The following SOX11 variants were observed in gnomAD, a reference collection of about 807,000 sequenced individuals.
SOX11 encodes the protein transcription factor SOX-11.
Under a neutral mutation model 16.7 loss-of-function variants are expected in SOX11, and 5 were observed. The ratio of observed to expected loss-of-function variants is 0.30; its 90% CI spans 0.16 to 0.63. SOX11 has a LOEUF of 0.63. Among genes scored for constraint, SOX11 ranks in the 20% least tolerant of loss-of-function variants. The pLI, the probability that SOX11 is intolerant of heterozygous loss-of-function variation, is 0.82. For missense variants in SOX11, 492 were observed against 641.5 expected (o/e 0.77, Z 2.52); for synonymous variants, 363 against 298.8 (o/e 1.21, Z -2.22).
In SOX11 at chr2:5,699,833, G is replaced by A. The variant is rs1030805681; in HGVS notation, c.*5786G>A. The A allele has an allele frequency of 3.0e-5, 5 of 166,018 alleles. No homozygotes were observed. Among genetic ancestry groups the A allele is most frequent in the African/African-American group, 1.2e-4 (5 of 41,054 alleles). The allele number at this position is 166,018 out of a possible 1,614,324, so 10.3% of individuals were successfully genotyped here. On this transcript the variant is annotated 3_prime_UTR_variant, in exon 1 of 1. Transcript: ENST00000322002. ...TATCTGTTCCATGTGGATGCAGTGA[G>A]TTTATAAGAGAATTTCACAAACAAG...
rs765203965 is a variant in SOX11 at position 5,693,660 on chromosome 2, C to T, written c.939C>T (p.Tyr313=). The change falls in exon 1 of 1, where the codon TAC becomes TAT. Residue 313 remains tyrosine, a synonymous_variant. Coordinates refer to ENST00000322002, the MANE Select transcript of SOX11 (RefSeq NM_003108.4). The surrounding 1 kb of genome is among the most constrained non-coding windows in gnomAD (Gnocchi z 8.6). ...SGAGGGSRLY[Y]SFKNITKQHP... is the part of the protein sequence containing the mutation. The stretch of plus-strand genomic sequence containing the variant: ...CCGGGGGCGGCAGCCGCCTCTACTA[C>T]AGCTTCAAGAACATCACCAAGCAGC... The T allele has an allele frequency of 6.3e-6, 10 of 1,597,004 alleles. No homozygotes were observed. In the East Asian group the frequency reaches 2.2e-4, roughly 36 times the overall value.
Position 5,698,002 on chromosome 2 carries a change from G to A in SOX11, c.*3955G>A, listed in dbSNP as rs1264141415. 1 of 166,662 alleles carries A rather than the reference G, an allele frequency of 6.0e-6. No homozygotes were observed. The highest frequency in any genetic ancestry group is 1.5e-5 in the Non-Finnish European group (1 of 68,076). 10.3% of individuals were successfully genotyped at this position (166,662 alleles called of 1,614,324 possible). On this transcript the variant is annotated 3_prime_UTR_variant, in exon 1 of 1. Transcript: ENST00000322002. ...AGTAAATTAGTAAAGTAATAATTTG[G>A]CTTCAGAATGGGAAGAGATAGTCAA...
In SOX11 at chr2:5,699,535, A is replaced by G. The variant is rs978430288; in HGVS notation, c.*5488A>G. On this transcript the variant is annotated 3_prime_UTR_variant, in exon 1 of 1. Transcript: ENST00000322002. Reference sequence around the variant, plus strand: ...CTGTTCATTCTATTTGATTTATTCTACAACATCCCCTTTTATTTAATGATC... The same window carrying G: ...CTGTTCATTCTATTTGATTTATTCTGCAACATCCCCTTTTATTTAATGATC... 6.6e-5 allele frequency: 11 copies of G among 166,900 alleles called. No individual in the cohort carries two copies. Among genetic ancestry groups the G allele is most frequent in the Admixed American group, 2.0e-4 (3 of 15,284 alleles). 10.3% of individuals were successfully genotyped at this position (166,900 alleles called of 1,614,324 possible).
In SOX11 at chr2:5,693,409, G is replaced by A. The variant is rs1179136145; in HGVS notation, c.688G>A (p.Asp230Asn). The A allele has an allele frequency of 3.8e-6, 6 of 1,590,992 alleles. No individual in the cohort carries two copies. Among genetic ancestry groups the A allele is most frequent in the Admixed American group, 1.7e-5 (1 of 59,112 alleles). Reference sequence around the variant, plus strand: ...TCTGGATGAGGACGACGACGACGACGACGACGACGACGAGCTGCAGCTGCA... The same window carrying A: ...TCTGGATGAGGACGACGACGACGACAACGACGACGACGAGCTGCAGCTGCA... ...VFLDEDDDDDDDDDELQLQIK... is the reference protein window; with the variant it reads ...VFLDEDDDDDNDDDELQLQIK... The change falls in exon 1 of 1, where the codon GAC becomes AAC. Residue 230 changes from aspartate (D) to asparagine (N), a missense_variant. Coordinates refer to ENST00000322002, the MANE Select transcript of SOX11 (RefSeq NM_003108.4). This position sits in a 1 kb window ranked among gnomAD's most constrained non-coding sequence, Gnocchi z 8.6.
In SOX11 at chr2:5,696,749, G is replaced by C. The variant is rs1192070722; in HGVS notation, c.*2702G>C. 1 of 152,060 alleles carries C rather than the reference G, an allele frequency of 6.6e-6. No individual in the cohort carries two copies. Among genetic ancestry groups the C allele is most frequent in the Admixed American group, 6.5e-5 (1 of 15,274 alleles). 9.4% of individuals were successfully genotyped at this position (152,060 alleles called of 1,614,324 possible). The stretch of plus-strand genomic sequence containing the variant: ...GAGGGAAGCCTCGGGGCTGCGGGGT[G>C]AGAGGAAGAAAGCAAACCCGGGGAG... On this transcript the variant is annotated 3_prime_UTR_variant, in exon 1 of 1. Transcript: ENST00000322002.
rs745460988 is a variant in SOX11 at position 5,693,443 on chromosome 2, A to G, written c.722A>G (p.Gln241Arg). Residue 241 changes from glutamine (Q) to arginine (R), a missense_variant, in exon 1 of 1, where the codon CAG (glutamine) becomes CGG (arginine). Gln to Arg is a conservative substitution (Grantham distance 43). Coordinates refer to ENST00000322002, the MANE Select transcript of SOX11 (RefSeq NM_003108.4). This position sits in a 1 kb window ranked among gnomAD's most constrained non-coding sequence, Gnocchi z 8.6. ...GACGAGCTGCAGCTGCAGATCAAAC[A>G]GGAGCCGGACGAGGAGGACGAGGAA... ...DDDELQLQIK[Q>R]EPDEEDEEPP... 6.3e-7 allele frequency: 1 copy of G among 1,591,524 alleles called. No individual in the cohort carries two copies. The highest frequency in any genetic ancestry group is 2.2e-5 in the East Asian group (1 of 44,452).
In SOX11 at chr2:5,697,140, G is replaced by C. The variant is rs1463026971; in HGVS notation, c.*3093G>C. The C allele has an allele frequency of 6.1e-6, 1 of 164,322 alleles. No individual in the cohort carries two copies. Among genetic ancestry groups the C allele is most frequent in the Non-Finnish European group, 1.5e-5 (1 of 68,058 alleles). The allele number at this position is 164,322 out of a possible 1,614,324, so 10.2% of individuals were successfully genotyped here. A position where few individuals can be genotyped will look rare whatever the true frequency, so the allele number is the denominator to read the frequency against. On this transcript the variant is annotated 3_prime_UTR_variant, in exon 1 of 1. Coordinates refer to ENST00000322002, the MANE Select transcript of SOX11 (RefSeq NM_003108.4). The stretch of plus-strand genomic sequence containing the variant: ...CCGCCGCCTCTTTTCTGCTGGGTCT[G>C]GGAGGAGGGAGGCTGGGAGGCCGCT...
chr2:5,693,379 G>C lies in SOX11; in HGVS notation c.658G>C (p.Val220Leu), dbSNP rs758958162. 1 of 1,593,262 alleles carries C rather than the reference G, an allele frequency of 6.3e-7. No individual in the cohort carries two copies. The highest frequency in any genetic ancestry group is 8.5e-7 in the Non-Finnish European group (1 of 1,178,114). ...CGGCGCGGGCAAGACGGTCAAGTGC[G>C]TGTTTCTGGATGAGGACGACGACGA... is the stretch of plus-strand genomic sequence containing the variant. ...GGGAGKTVKC[V>L]FLDEDDDDDD... is the part of the protein sequence containing the mutation. Residue 220 changes from valine (V) to leucine (L), a missense_variant, in exon 1 of 1, where the codon GTG (valine) becomes CTG (leucine). Transcript: ENST00000322002. This position sits in a 1 kb window ranked among gnomAD's most constrained non-coding sequence, Gnocchi z 8.6.
In SOX11 at chr2:5,699,280, G is replaced by A. The variant is rs865984716; in HGVS notation, c.*5233G>A. Reference sequence around the variant, plus strand: ...CTTTCTTTATTACAGTTTCAGGGAAGATTTTTTCAGGATATTTCTCAGTTA... The same window carrying A: ...CTTTCTTTATTACAGTTTCAGGGAAAATTTTTTCAGGATATTTCTCAGTTA... On this transcript the variant is annotated 3_prime_UTR_variant, in exon 1 of 1. Transcript: ENST00000322002. 1 of 166,842 alleles carries A rather than the reference G, an allele frequency of 6.0e-6. No individual in the cohort carries two copies. The highest frequency in any genetic ancestry group is 2.4e-5 in the African/African-American group (1 of 41,436). The allele number at this position is 166,842 out of a possible 1,614,324, so 10.3% of individuals were successfully genotyped here.
rs1665818493 is a variant in SOX11 at position 5,700,517 on chromosome 2, T to C, written c.*6470T>C. On this transcript the variant is annotated 3_prime_UTR_variant, in exon 1 of 1. Transcript: ENST00000322002. ...GGGCCCTCTGTCACATTTTTCTTCA[T>C]CCAGCTTTTGTTCAAAAACAGTATG... The C allele has an allele frequency of 6.0e-6, 1 of 167,026 alleles. No individual in the cohort carries two copies. Among genetic ancestry groups the C allele is most frequent in the South Asian group, 2.1e-4 (1 of 4,834 alleles). The allele number at this position is 167,026 out of a possible 1,614,324, so 10.3% of individuals were successfully genotyped here.
In SOX11 at chr2:5,693,760, A is replaced by G. The variant is rs1202768939; in HGVS notation, c.1039A>G (p.Ser347Gly). Residue 347 changes from serine to glycine, a missense_variant, in exon 1 of 1, where the codon AGC becomes GGC. By Grantham distance (56) the Ser-to-Gly change is moderately conservative (BLOSUM62 0). Around this residue, in one of 4 missense-constraint regions of SOX11, gnomAD observed 389 missense variants for 389.0 expected, o/e 1.00. Coordinates refer to ENST00000322002, the MANE Select transcript of SOX11 (RefSeq NM_003108.4). The surrounding 1 kb of genome is among the most constrained non-coding windows in gnomAD (Gnocchi z 8.6). ...RSVSTSSSSS[S>G]GSSSGSSGED... Reference sequence around the variant, plus strand: ...GGTGTCCACCTCCTCGTCCAGCAGCAGCGGCAGCAGCAGCGGCAGCAGCGG... The same window carrying G: ...GGTGTCCACCTCCTCGTCCAGCAGCGGCGGCAGCAGCAGCGGCAGCAGCGG... 6.3e-7 allele frequency: 1 copy of G among 1,581,452 alleles called. No individual in the cohort carries two copies. Among genetic ancestry groups the G allele is most frequent in the South Asian group, 1.1e-5 (1 of 87,550 alleles).
In SOX11 at chr2:5,692,691, C is replaced by G. The variant is rs751509408; in HGVS notation, c.-31C>G. The G allele has an allele frequency of 9.2e-6, 14 of 1,518,190 alleles. No individual in the cohort carries two copies. Among genetic ancestry groups the G allele is most frequent in the South Asian group, 2.6e-5 (2 of 76,156 alleles). The allele number at this position is 1,518,190 out of a possible 1,614,324, so 94.0% of individuals were successfully genotyped here. A position where few individuals can be genotyped will look rare whatever the true frequency, so the allele number is the denominator to read the frequency against. Reference sequence around the variant, plus strand: ...GACCTCCGCACGAGACCCAGCGGCCCGGGTTGGAGCGTCCAGCCCTGCAGC... The same window carrying G: ...GACCTCCGCACGAGACCCAGCGGCCGGGGTTGGAGCGTCCAGCCCTGCAGC... On this transcript the variant is annotated 5_prime_UTR_variant, in exon 1 of 1. Coordinates refer to ENST00000322002, the MANE Select transcript of SOX11 (RefSeq NM_003108.4).
rs1158752042 is a variant in SOX11, at chr2:5,701,064, G to A, written c.*7017G>A. On this transcript the variant is annotated 3_prime_UTR_variant, in exon 1 of 1. Transcript: ENST00000322002. ...GGGGGGAAAGAAAATGCATGGCAAA[G>A]TTTCGTCTTCTCGTAGACTATCTAG... is the stretch of plus-strand genomic sequence containing the variant. 1 of 167,020 alleles carries A rather than the reference G, an allele frequency of 6.0e-6. No individual in the cohort carries two copies. Among genetic ancestry groups the A allele is most frequent in the Admixed American group, 6.5e-5 (1 of 15,280 alleles). 10.3% of individuals were successfully genotyped at this position (167,020 alleles called of 1,614,324 possible).
chr2:5,693,499 G>A lies in SOX11; in HGVS notation c.778G>A (p.Gly260Arg). The A allele has an allele frequency of 6.3e-7, 1 of 1,580,112 alleles. No individual in the cohort carries two copies. The highest frequency in any genetic ancestry group is 1.1e-5 in the South Asian group (1 of 88,740). Reference protein sequence around the residue: ...PPHQQLLQPPGQQPSQLLRRY... With the variant: ...PPHQQLLQPPRQQPSQLLRRY... ...GCACCAGCAGCTCCTGCAGCCGCCG[G>A]GGCAGCAGCCGTCGCAGCTGCTGAG... The change falls in exon 1 of 1, where the codon GGG (glycine) becomes AGG (arginine). Residue 260 changes from glycine to arginine, a missense_variant. This residue lies in a region of SOX11 where 389 missense variants were observed against 389.0 expected (regional missense o/e 1.00). Coordinates refer to ENST00000322002, the MANE Select transcript of SOX11 (RefSeq NM_003108.4). The surrounding 1 kb of genome is among the most constrained non-coding windows in gnomAD (Gnocchi z 8.6).
In SOX11 at chr2:5,693,945, C is replaced by T. The variant is rs1489617288; in HGVS notation, c.1224C>T (p.Gly408=). 2 of 1,551,588 alleles carry T rather than the reference C, an allele frequency of 1.3e-6. No homozygotes were observed. The highest frequency in any genetic ancestry group is 2.4e-5 in the East Asian group (1 of 40,902). The change falls in exon 1 of 1, where the codon GGC becomes GGT. Residue 408 remains glycine, a synonymous_variant. Coordinates refer to ENST00000322002, the MANE Select transcript of SOX11 (RefSeq NM_003108.4). The surrounding 1 kb of genome is among the most constrained non-coding windows in gnomAD (Gnocchi z 8.6). ...DLDSFSEGSL[G]SHFEFPDYCT... ...ATTCGTTCAGCGAGGGCAGCCTGGG[C>T]TCCCACTTCGAGTTCCCCGACTACT...
chr2:5,693,860 A>T lies in SOX11; in HGVS notation c.1139A>T (p.Gln380Leu), dbSNP rs757798729. ...SQSAHSASEQ[Q>L]LGGGAAAGNL... ...AGCGCGCACAGCGCCAGCGAGCAGC[A>T]GCTGGGGGGCGGCGCGGCGGCCGGG... The change falls in exon 1 of 1, where the codon CAG becomes CTG. Residue 380 changes from glutamine (Q) to leucine (L), a missense_variant. Around this residue, in one of 4 missense-constraint regions of SOX11, gnomAD observed 389 missense variants for 389.0 expected, o/e 1.00. Coordinates refer to ENST00000322002, the MANE Select transcript of SOX11 (RefSeq NM_003108.4). The surrounding 1 kb of genome is among the most constrained non-coding windows in gnomAD (Gnocchi z 8.6). 37 of 1,551,416 alleles carry T rather than the reference A, an allele frequency of 2.4e-5. 1 individual carries two copies. The South Asian group carries it at 4.4e-4, about 18-fold the overall frequency.
At position 5,698,610 on chromosome 2, in the gene SOX11, G is replaced by A. The variant is rs943318556; in HGVS notation, c.*4563G>A. 6.0e-6 allele frequency: 1 copy of A among 166,580 alleles called. No homozygotes were observed. The highest frequency in any genetic ancestry group is 2.4e-5 in the African/African-American group (1 of 41,306). The allele number at this position is 166,580 out of a possible 1,614,324, so 10.3% of individuals were successfully genotyped here. A position where few individuals can be genotyped will look rare whatever the true frequency, so the allele number is the denominator to read the frequency against. On this transcript the variant is annotated 3_prime_UTR_variant, in exon 1 of 1. Transcript: ENST00000322002. ...ACTTAAACTGTGCTTTGCAAATATT[G>A]TGTATGTTATGAATGACTACAGACA...
rs1270987987 is a variant in SOX11, at chr2:5,695,461, T to G, written c.*1414T>G. The G allele has an allele frequency of 6.0e-6, 1 of 166,318 alleles. No homozygotes were observed. The highest frequency in any genetic ancestry group is 1.5e-5 in the Non-Finnish European group (1 of 68,014). The allele number at this position is 166,318 out of a possible 1,614,324, so 10.3% of individuals were successfully genotyped here. A position where few individuals can be genotyped will look rare whatever the true frequency, so the allele number is the denominator to read the frequency against. ...AAAAAAAGGCACATAGTTTAAAAAG[T>G]TTCTCATTTTGTGCAATATAATCTA... On this transcript the variant is annotated 3_prime_UTR_variant, in exon 1 of 1. Transcript: ENST00000322002.
In SOX11 at chr2:5,692,564, A is replaced by T; in HGVS notation, c.-158A>T. ...CGAAGCCACCACAGCCGCTGTGTGC[A>T]GCCTGGAAGGGGGGGCGGGGGGGAG... On this transcript the variant is annotated 5_prime_UTR_variant, in exon 1 of 1. Transcript: ENST00000322002. 1.7e-6 allele frequency: 1 copy of T among 573,390 alleles called. No individual in the cohort carries two copies. The highest frequency in any genetic ancestry group is 2.8e-6 in the Non-Finnish European group (1 of 354,992). The allele number at this position is 573,390 out of a possible 1,614,324, so 35.5% of individuals were successfully genotyped here. A position where few individuals can be genotyped will look rare whatever the true frequency, so the allele number is the denominator to read the frequency against.
Sources: allele counts gnomAD v4.1 joint callset, GRCh38; gene constraint gnomAD v4.1.1; regional missense constraint gnomAD v4.1.1; non-coding constraint Gnocchi (gnomAD v3.1); transcripts MANE v1.5; gene names NCBI Gene and HGNC (gene_info 2026-07-23, HGNC 2026-07-21).